The following PRIM2 variants were observed in gnomAD, a reference collection of about 807,000 sequenced individuals.
PRIM2 encodes the protein DNA primase large subunit.
Under a neutral mutation model 67.3 loss-of-function variants are expected in PRIM2, and 39 were observed. That is an observed-to-expected ratio of 0.58 (90% CI 0.45 to 0.76). The LOEUF (loss-of-function observed/expected upper bound fraction) is 0.76. PRIM2 is among the 30% of genes least tolerant of loss of function. The pLI is 0.00. For missense variants in PRIM2, 398 were observed against 598.7 expected (o/e 0.66, Z 3.50); for synonymous variants, 143 against 198.7 (o/e 0.72, Z 2.36).
At chr6:57,354,703 G>A (rs1458093501) in intron 5 of PRIM2, among the ~76,000 whole-genome samples, 1 of 152,156 alleles carries the variant, frequency 6.6e-6, no homozygotes, top group Admixed American at 6.5e-5. Flanking sequence ...TAAACTTAAG[G>A]AATAACAAAT....
intron 7 of PRIM2, among the ~76,000 whole-genome samples, chr6:57,424,386 G>T (rs1232969245): frequency 1.3e-5 from 2 of 152,020 alleles, no homozygotes; most frequent in Non-Finnish European, 2.9e-5. Flanking sequence ...TTGAGAGCCT[G>T]GGCAAAGAAA....
chr6:57,566,716 A>G, intron 10 of PRIM2, among the ~76,000 whole-genome samples: 1 of 152,120 alleles, frequency 6.6e-6, no homozygotes, highest in Non-Finnish European at 1.5e-5. Context: ...AAGTTAAGGG[A>G]TGAGAAATAG....
intron 13 of PRIM2, among the ~76,000 whole-genome samples, chr6:57,634,016 A>G (rs1246207922): frequency 6.6e-6 from 1 of 152,222 alleles, no homozygotes; most frequent in Non-Finnish European, 1.5e-5. Flanking sequence ...TACTATATGT[A>G]TATTTCCCTG....
chr6:57,285,116 T>C, the PRIM2 span, among the ~76,000 whole-genome samples: 1 of 152,116 alleles, frequency 6.6e-6, no homozygotes, highest in Non-Finnish European at 1.5e-5. Context: ...AATTCTGAAA[T>C]TGAGGCAGCA....
chr6:57,438,320 G>A (rs555827673), intron 7 of PRIM2, among the ~76,000 whole-genome samples: 1 of 152,084 alleles, frequency 6.6e-6, no homozygotes, highest in African/African-American at 2.4e-5. Flanking sequence ...ACTGTTTGTG[G>A]CTGGGTTTAC....
chr6:57,562,512 C>T (rs1775654886), intron 10 of PRIM2, among the ~76,000 whole-genome samples: 1 of 152,146 alleles, frequency 6.6e-6, no homozygotes, highest in African/African-American at 2.4e-5. Flanking sequence ...CCAATAACTC[C>T]TAAGGGCATA....
intron 8 of PRIM2, among the ~76,000 whole-genome samples, chr6:57,523,811 A>G (rs1199731327): frequency 1.3e-5 from 2 of 152,274 alleles, no homozygotes; most frequent in Non-Finnish European, 2.9e-5. Flanking sequence ...CTGAGTTTCA[A>G]CACTCAAAAA....
the PRIM2 span, among the ~76,000 whole-genome samples, chr6:57,253,193 TAA>T: frequency 1.3e-5 from 2 of 149,578 alleles, no homozygotes; most frequent in East Asian, 2.0e-4. Flanking sequence ...ACATGCAAGT[TAA>T]AAAAAAAAAT....
At chr6:57,583,747 C>T (rs1776140775) in intron 10 of PRIM2, among the ~76,000 whole-genome samples, 2 of 152,250 alleles carry the variant, frequency 1.3e-5, no homozygotes, top group African/African-American at 4.8e-5. Flanking sequence ...TGAGGAATCG[C>T]CACACTGACT....
At chr6:57,330,383 GT>G (rs60270076) in intron 5 of PRIM2, among the ~76,000 whole-genome samples, 41,083 of 98,012 alleles carry the variant, frequency 0.42, 4,645 homozygotes, top group Middle Eastern at 0.48. Context: ...TTGTTTTTTT[GT>G]TTTTTTTTTT....
chr6:57,591,037 TCTC>T (rs1288995847), intron 10 of PRIM2, among the ~76,000 whole-genome samples: 3 of 152,184 alleles, frequency 2.0e-5, no homozygotes, highest in Non-Finnish European at 2.9e-5. Context: ...GGCCTCCACA[TCTC>T]CTTTGGTGTG....
chr6:57,323,916 A>G (rs958221599), intron 3 of PRIM2, among the ~76,000 whole-genome samples: 1 of 152,092 alleles, frequency 6.6e-6, no homozygotes, highest in Non-Finnish European at 1.5e-5. Flanking sequence ...TTGAGACTCC[A>G]TCATACAGAA....
intron 12 of PRIM2, among the ~76,000 whole-genome samples, chr6:57,631,440 C>T (rs1409795336): frequency 2.0e-5 from 3 of 151,936 alleles, no homozygotes; most frequent in Non-Finnish European, 4.4e-5. Flanking sequence ...GAGTTTGCAC[C>T]GCTCTGAAGA....
At chr6:57,241,687 T>TG in the PRIM2 span, among the ~76,000 whole-genome samples, 1 of 68,864 alleles carries the variant, frequency 1.5e-5, no homozygotes, top group East Asian at 4.0e-4. Flanking sequence ...CAGAACTATG[T>TG]ATTTTTTTTT....
At chr6:57,540,293 CGAGAGA>C (rs1199962171) in intron 10 of PRIM2, among the ~76,000 whole-genome samples, 2 of 148,848 alleles carry the variant, frequency 1.3e-5, no homozygotes, top group Non-Finnish European at 3.0e-5. Flanking sequence ...ACACACACAG[CGAGAGA>C]GAGAGAGAGA....
intron 13 of PRIM2, among the ~76,000 whole-genome samples, chr6:57,637,864 G>A (rs1255032488): frequency 6.6e-6 from 1 of 152,160 alleles, no homozygotes; most frequent in African/African-American, 2.4e-5. Context: ...AACCTAGCAA[G>A]ACAGGCCAGC....
At chr6:57,346,373 A>G (rs778575039) in intron 5 of PRIM2, among the ~76,000 whole-genome samples, 2 of 152,042 alleles carry the variant, frequency 1.3e-5, no homozygotes, top group African/African-American at 4.8e-5. Context: ...CTGGAGTCCA[A>G]TGGCATGATC....
chr6:57,464,756 G>C (rs1481252076), intron 7 of PRIM2, among the ~76,000 whole-genome samples: 14 of 152,118 alleles, frequency 9.2e-5, no homozygotes, highest in Non-Finnish European at 1.6e-4. Context: ...CTGTGTGCCA[G>C]GCACTATTCT....
rs1776483247 is a variant in PRIM2, at chr6:57,602,217, G to C, written c.1147+998G>C. Among the ~76,000 whole-genome samples the C allele has an allele frequency of 2.6e-5, 4 of 152,104 alleles. No individual in the cohort carries two copies. In the South Asian group the frequency reaches 8.3e-4, roughly 32 times the overall value. ...TAGGATTACAGGCACCTGCCACCCT[G>C]CCCAGCTAATTTTTTGTATTTTTAA... On this transcript the variant is annotated intron_variant, in intron 11 of 13. Transcript: ENST00000615550.
Sources: gnomAD v4.1 joint callset for allele counts (sites outside exome capture counted in the v4.1 genomes callset) on GRCh38, gnomAD v4.1.1 for gene constraint, MANE v1.5 for transcripts, NCBI Gene and HGNC (gene_info 2026-07-23, HGNC 2026-07-21) for gene names.